Variants in CTNNA3 observed in about 807,000 individuals in gnomAD.
The protein encoded by CTNNA3 is catenin alpha 3.
Under a neutral mutation model 95.7 loss-of-function variants are expected in CTNNA3, and 76 were observed. The ratio of observed to expected loss-of-function variants is 0.79; its 90% confidence interval spans 0.66 to 0.96. The LOEUF is 0.96. Among genes scored for constraint, CTNNA3 ranks in the 40% least tolerant of loss-of-function variants. CTNNA3 has a pLI of 0.00. For missense variants in CTNNA3, 1,191 were observed against 1,089.8 expected (o/e 1.09, Z -1.31); for synonymous variants, 431 against 374.4 (o/e 1.15, Z -1.74).
intron 9 of CTNNA3, among the ~76,000 whole-genome samples, chr10:66,648,762 G>A (rs1323976065): frequency 6.6e-6 from 1 of 152,146 alleles, no homozygotes; most frequent in East Asian, 1.9e-4. Context: ...AGGCGTGGCA[G>A]CGGAATTAGA....
intron 15 of CTNNA3, among the ~76,000 whole-genome samples, chr10:66,018,187 T>TACACACAC (rs59373779): frequency 0.087 from 12,381 of 142,028 alleles, 536 homozygotes; most frequent in Non-Finnish European, 0.1. Flanking sequence ...ACAGCTCAAA[T>TACACACAC]ACACACACAC....
At chr10:66,955,339 A>G (rs1848731425) in intron 7 of CTNNA3, among the ~76,000 whole-genome samples, 2 of 152,172 alleles carry the variant, frequency 1.3e-5, no homozygotes, top group South Asian at 4.1e-4. Flanking sequence ...ATTACTGATT[A>G]CTCACTATGT....
intron 7 of CTNNA3, among the ~76,000 whole-genome samples, chr10:66,882,954 C>G (rs1164599281): frequency 6.6e-6 from 1 of 151,844 alleles, no homozygotes; most frequent in African/African-American, 2.4e-5. Context: ...TTAAAAACCC[C>G]AGATGTGTGG....
chr10:65,987,678 T>C (rs547040817), intron 16 of CTNNA3, among the ~76,000 whole-genome samples: 1 of 152,150 alleles, frequency 6.6e-6, no homozygotes, highest in Admixed American at 6.5e-5. Context: ...AATCCATTAC[T>C]GGGTATTTAT....
chr10:67,181,035 C>G (rs573456671), intron 6 of CTNNA3, among the ~76,000 whole-genome samples: 1 of 152,092 alleles, frequency 6.6e-6, no homozygotes, highest in East Asian at 1.9e-4. Context: ...ATGAGTGAGG[C>G]TGAAAGGCTG....
At chr10:66,918,719 A>G (rs926866670) in intron 7 of CTNNA3, among the ~76,000 whole-genome samples, 3 of 152,200 alleles carry the variant, frequency 2.0e-5, no homozygotes, top group African/African-American at 7.2e-5. Flanking sequence ...AACCTACTTG[A>G]AGAACTTGTT....
chr10:66,348,111 C>T (rs2092538640), intron 12 of CTNNA3, among the ~76,000 whole-genome samples: 1 of 152,092 alleles, frequency 6.6e-6, no homozygotes, highest in Non-Finnish European at 1.5e-5. Context: ...ATCAGGTTGG[C>T]ATCAGATTCA....
intron 12 of CTNNA3, among the ~76,000 whole-genome samples, chr10:66,293,171 A>G (rs1323164154): frequency 6.6e-6 from 1 of 152,192 alleles, no homozygotes; most frequent in Non-Finnish European, 1.5e-5. Flanking sequence ...TGTCCTATAA[A>G]GCTTTTAAAA....
At chr10:65,961,818 G>T (rs2077850773) in intron 17 of CTNNA3, among the ~76,000 whole-genome samples, 1 of 151,798 alleles carries the variant, frequency 6.6e-6, no homozygotes, top group African/African-American at 2.4e-5. Flanking sequence ...AAAGTGTAAG[G>T]AATGTTTGCT....
At position 66,356,250 on chromosome 10, in the gene CTNNA3, AT is replaced by A. The variant is rs1181101110; in HGVS notation, c.1732+22901del. Among the ~76,000 whole-genome samples, 4 of 150,254 alleles carry A rather than the reference AT, an allele frequency of 2.7e-5. No individual in the cohort carries two copies. In the Admixed American group the frequency reaches 2.7e-4, roughly 10 times the overall value. On this transcript the variant is annotated intron_variant, in intron 12 of 17. Coordinates refer to ENST00000433211, the MANE Select transcript of CTNNA3 (RefSeq NM_013266.4). ...AAATTCTGCTAGGATTTTGACTGGTATTGTAACAAGTTTATAGATCAGCTTA... is the reference window on the plus strand; with the variant it reads ...AAATTCTGCTAGGATTTTGACTGGTATGTAACAAGTTTATAGATCAGCTTA...
chr10:66,369,939 T>C (rs1025291190), intron 12 of CTNNA3, among the ~76,000 whole-genome samples: 19 of 152,026 alleles, frequency 1.2e-4, no homozygotes, highest in Non-Finnish European at 2.6e-4. Context: ...ATCTGAGGAA[T>C]CACATAAAAA....
At chr10:66,825,800 C>T (rs1437593950) in intron 7 of CTNNA3, among the ~76,000 whole-genome samples, 7 of 152,010 alleles carry the variant, frequency 4.6e-5, no homozygotes, top group Admixed American at 6.6e-5. Flanking sequence ...TTTCTGGCTT[C>T]GCTTTGTCAT....
chr10:67,136,656 C>T (rs1860320952), intron 7 of CTNNA3, among the ~76,000 whole-genome samples: 1 of 151,986 alleles, frequency 6.6e-6, no homozygotes. Flanking sequence ...TAAACAAAAT[C>T]AAGGAAAAAT....
chr10:67,119,178 G>A (rs140094644), intron 7 of CTNNA3, among the ~76,000 whole-genome samples: 2 of 152,012 alleles, frequency 1.3e-5, no homozygotes, highest in South Asian at 2.1e-4. Flanking sequence ...TACTGAGAGT[G>A]AGAATTTTTC....
At chr10:67,517,206 C>T (rs1026415940) in intron 5 of CTNNA3, among the ~76,000 whole-genome samples, 1 of 152,118 alleles carries the variant, frequency 6.6e-6, no homozygotes, top group African/African-American at 2.4e-5. Flanking sequence ...TACCAATTTA[C>T]ATTCCCAACA....
At chr10:66,896,848 T>C (rs2140378) in intron 7 of CTNNA3, among the ~76,000 whole-genome samples, 1,880 of 152,312 alleles carry the variant, frequency 0.012, 41 homozygotes, top group African/African-American at 0.043. Flanking sequence ...AGGAGTCGGC[T>C]CAAGGCCTCT....
intron 10 of CTNNA3, among the ~76,000 whole-genome samples, chr10:66,573,094 T>C (rs1052630176): frequency 6.6e-6 from 1 of 152,156 alleles, no homozygotes; most frequent in Non-Finnish European, 1.5e-5. Flanking sequence ...GGCTTATATA[T>C]TGACATTGTT....
At chr10:67,211,323 A>G (rs1304499515) in intron 6 of CTNNA3, among the ~76,000 whole-genome samples, 1 of 152,052 alleles carries the variant, frequency 6.6e-6, no homozygotes, top group African/African-American at 2.4e-5. Flanking sequence ...CAAGCTTGAC[A>G]TCGGGTCCAT....
At chr10:67,000,802 A>G (rs944433402) in intron 7 of CTNNA3, among the ~76,000 whole-genome samples, 1 of 152,164 alleles carries the variant, frequency 6.6e-6, no homozygotes, top group Non-Finnish European at 1.5e-5. Flanking sequence ...AAGAGTAGAG[A>G]AGAATGCCAG....
Sources: gnomAD v4.1 joint callset for allele counts (sites outside exome capture counted in the v4.1 genomes callset) on GRCh38, gnomAD v4.1.1 for gene constraint, MANE v1.5 for transcripts, NCBI Gene and HGNC (gene_info 2026-07-23, HGNC 2026-07-21) for gene names.